The following ASTN2 variants were observed in gnomAD, a reference collection of about 807,000 sequenced individuals.
The protein encoded by ASTN2 is astrotactin-2.
ASTN2 carries 54 observed loss-of-function variants against 139.8 expected under a neutral mutation model. The ratio of observed to expected loss-of-function variants is 0.39; its 90% CI spans 0.31 to 0.48. The LOEUF is 0.48. Among genes scored for constraint, ASTN2 ranks in the 20% least tolerant of loss-of-function variants. ASTN2 has a pLI of 0.95. For missense variants in ASTN2, 1,565 were observed against 1,725.1 expected (o/e 0.91, Z 1.64); for synonymous variants, 756 against 719.5 (o/e 1.05, Z -0.81).
At chr9:116,529,379 A>AT (rs1355326431) in intron 19 of ASTN2, among the ~76,000 whole-genome samples, 1 of 152,120 alleles carries the variant, frequency 6.6e-6, no homozygotes, top group Non-Finnish European at 1.5e-5. Flanking sequence ...AATTTCTCCC[A>AT]TTTGTAATGA....
Position 116,812,877 on chromosome 9 carries a change from G to A in ASTN2, c.2208-7057C>T, listed in dbSNP as rs114895641. Among the ~76,000 whole-genome samples, 1,306 of 152,204 alleles carry A rather than the reference G, an allele frequency of 8.6e-3. 28 individuals carry two copies. Among genetic ancestry groups the A allele is most frequent in the African/African-American group, 0.03 (1,239 of 41,508 alleles). On this transcript the variant is annotated intron_variant, in intron 12 of 22. Transcript: ENST00000313400. ...GGGTGGGAAAAGATTGTGGCTTGCA[G>A]GAGAGATTCAGGGGGAAAAAAATTC... is the stretch of plus-strand genomic sequence containing the variant.
intron 7 of ASTN2, among the ~76,000 whole-genome samples, chr9:116,980,134 G>C (rs901463277): frequency 3.9e-5 from 6 of 152,140 alleles, no homozygotes; most frequent in African/African-American, 1.4e-4. Flanking sequence ...CCATCCTCTT[G>C]TTCTCTCCCT....
chr9:117,099,104 C>T (rs1171770218), intron 4 of ASTN2, among the ~76,000 whole-genome samples: 3 of 115,904 alleles, frequency 2.6e-5, no homozygotes, highest in Non-Finnish European at 1.8e-5. Context: ...GAGACTCCGT[C>T]TCCAAAAAAA....
intron 4 of ASTN2, among the ~76,000 whole-genome samples, chr9:117,126,713 C>T (rs535180304): frequency 4.5e-4 from 69 of 152,258 alleles, no homozygotes; most frequent in African/African-American, 1.6e-3. Flanking sequence ...TGGTTAGCAC[C>T]AAAGTAATTT....
At chr9:117,366,428 G>A (rs1271289435) in intron 1 of ASTN2, among the ~76,000 whole-genome samples, 1 of 152,100 alleles carries the variant, frequency 6.6e-6, no homozygotes, top group East Asian at 1.9e-4. Flanking sequence ...TATACAGAAG[G>A]GAAGTGAGGT....
chr9:116,660,621 C>T (rs1588154238), intron 16 of ASTN2, among the ~76,000 whole-genome samples: 1 of 152,174 alleles, frequency 6.6e-6, no homozygotes, highest in African/African-American at 2.4e-5. Flanking sequence ...TAGCATTATT[C>T]AATTCTTGTA....
At chr9:116,480,515 C>G (rs948012638) in intron 20 of ASTN2, among the ~76,000 whole-genome samples, 3 of 152,200 alleles carry the variant, frequency 2.0e-5, no homozygotes, top group African/African-American at 7.2e-5. Context: ...ATGAACAAGG[C>G]AGGCACAGAC....
chr9:116,466,162 A>T (rs899316745), intron 20 of ASTN2, among the ~76,000 whole-genome samples: 1 of 152,204 alleles, frequency 6.6e-6, no homozygotes, highest in African/African-American at 2.4e-5. Flanking sequence ...AAGGACGCAT[A>T]GTGGAAGAGT....
In ASTN2 at chr9:116,698,554, G is replaced by C; in HGVS notation, c.2806+27217C>G. ...CCAGAGCTCACTGCCAGCTTGCCTC[G>C]GGAGCTCACCCTGCAAGATGTGGAG... is the stretch of plus-strand genomic sequence containing the variant. On this transcript the variant is annotated intron_variant, in intron 16 of 22. Transcript: ENST00000313400. This position sits in a 1 kb window ranked among gnomAD's most constrained non-coding sequence, Gnocchi z 4.4. 6.2e-7 allele frequency: 1 copy of C among 1,613,890 alleles called. No individual in the cohort carries two copies.
chr9:116,957,607 G>C (rs1460680086), intron 10 of ASTN2, among the ~76,000 whole-genome samples: 1 of 152,220 alleles, frequency 6.6e-6, no homozygotes, highest in African/African-American at 2.4e-5. Flanking sequence ...ATATAGGTCA[G>C]TTATTTTGTA....
chr9:116,579,914 T>C (rs1853880966), intron 19 of ASTN2, among the ~76,000 whole-genome samples: 1 of 152,076 alleles, frequency 6.6e-6, no homozygotes, highest in Admixed American at 6.5e-5. Flanking sequence ...CTCCGCCTCC[T>C]GGATTCAAGC....
chr9:116,957,421 T>G (rs1369749415), intron 10 of ASTN2, among the ~76,000 whole-genome samples: 1 of 152,218 alleles, frequency 6.6e-6, no homozygotes, highest in Non-Finnish European at 1.5e-5. Flanking sequence ...AGGAGGTTGC[T>G]ATTAAGATAG....
At chr9:117,159,684 A>T (rs1357539054) in intron 3 of ASTN2, among the ~76,000 whole-genome samples, 1 of 152,098 alleles carries the variant, frequency 6.6e-6, no homozygotes, top group East Asian at 1.9e-4. Flanking sequence ...CAACTTCATG[A>T]GATTTGTTTT....
chr9:116,571,523 T>C (rs1350814969), intron 19 of ASTN2, among the ~76,000 whole-genome samples: 1 of 152,208 alleles, frequency 6.6e-6, no homozygotes, highest in Non-Finnish European at 1.5e-5. Context: ...GTATTTGGTG[T>C]GTGCTGTGCT....
At chr9:116,451,540 T>C (rs1015680885) in intron 20 of ASTN2, among the ~76,000 whole-genome samples, 1 of 152,206 alleles carries the variant, frequency 6.6e-6, no homozygotes, top group Non-Finnish European at 1.5e-5. Context: ...GACACAGTAC[T>C]ATAAGGTCTT....
chr9:117,229,520 G>A (rs1168831998), intron 2 of ASTN2, among the ~76,000 whole-genome samples: 5 of 152,144 alleles, frequency 3.3e-5, no homozygotes, highest in African/African-American at 4.8e-5. Context: ...CAGCGATAGC[G>A]TCCCCAAACT....
At chr9:116,909,210 G>C (rs1237229437) in intron 10 of ASTN2, among the ~76,000 whole-genome samples, 2 of 152,216 alleles carry the variant, frequency 1.3e-5, no homozygotes, top group Non-Finnish European at 2.9e-5. Flanking sequence ...AGATGGGTCA[G>C]AGGCGTGTGT....
intron 10 of ASTN2, among the ~76,000 whole-genome samples, chr9:116,937,096 T>C (rs1284717105): frequency 6.6e-6 from 1 of 152,206 alleles, no homozygotes; most frequent in South Asian, 2.1e-4. Context: ...ACAACAACCT[T>C]GATTTCCCCT....
At chr9:116,804,295 A>T (rs538861484) in intron 13 of ASTN2, among the ~76,000 whole-genome samples, 4 of 152,238 alleles carry the variant, frequency 2.6e-5, no homozygotes, top group African/African-American at 9.6e-5. Context: ...CTAGATGATG[A>T]TCTTGAGAAA....
Sources: gnomAD v4.1 joint callset for allele counts (sites outside exome capture counted in the v4.1 genomes callset) on GRCh38, gnomAD v4.1.1 for gene constraint, Gnocchi (gnomAD v3.1) non-coding constraint, MANE v1.5 for transcripts, NCBI Gene and HGNC (gene_info 2026-07-23, HGNC 2026-07-21) for gene names.